PTPRG: variants seen among roughly 807,000 people sequenced by gnomAD.
The protein encoded by PTPRG is protein tyrosine phosphatase receptor type G, also known as receptor-type tyrosine-protein phosphatase gamma.
In PTPRG, 102 loss-of-function variants were observed where a neutral mutation model predicts 165.3. That is an observed-to-expected ratio of 0.62 (90% CI 0.53 to 0.73). The LOEUF is 0.73. Ranked by LOEUF, PTPRG falls within the 30% of genes least tolerant of loss-of-function variation. The probability of loss-of-function intolerance (pLI) is 0.00; values close to 1 mark genes in which losing one functional copy is unlikely to be tolerated. For synonymous variants in PTPRG, 675 were observed against 669.5 expected (o/e 1.01, Z -0.13); for missense variants, 1,866 against 1,861.4 (o/e 1.00, Z -0.05).
At chr3:61,952,542 G>C (rs1423679096) in intron 2 of PTPRG, among the ~76,000 whole-genome samples, 1 of 152,140 alleles carries the variant, frequency 6.6e-6, no homozygotes, top group Non-Finnish European at 1.5e-5. Flanking sequence ...TGCTCAAATT[G>C]ATATTTCTGG....
At chr3:61,929,890 A>T (rs779303426) in intron 2 of PTPRG, among the ~76,000 whole-genome samples, 46 of 152,214 alleles carry the variant, frequency 3.0e-4, no homozygotes, top group Non-Finnish European at 5.9e-4. Flanking sequence ...ATGCACAGAG[A>T]GTCGTGGATA....
intron 1 of PTPRG, among the ~76,000 whole-genome samples, chr3:61,670,152 C>G (rs1226990842): frequency 6.6e-6 from 1 of 152,198 alleles, no homozygotes; most frequent in Non-Finnish European, 1.5e-5. Context: ...CAGATAAATG[C>G]TGAGTGTTAG....
At chr3:61,857,252 C>G (rs1575727110) in intron 2 of PTPRG, among the ~76,000 whole-genome samples, 1 of 152,120 alleles carries the variant, frequency 6.6e-6, no homozygotes, top group East Asian at 1.9e-4. Flanking sequence ...GTTTCAATGA[C>G]TTGCTCAAGT....
At chr3:62,028,776 A>T (rs1327752911) in intron 4 of PTPRG, among the ~76,000 whole-genome samples, 1 of 152,204 alleles carries the variant, frequency 6.6e-6, no homozygotes, top group Admixed American at 6.5e-5. Flanking sequence ...TAGAAAGGAG[A>T]CAGAAGTCTT....
intron 1 of PTPRG, among the ~76,000 whole-genome samples, chr3:61,708,110 G>A (rs927172977): frequency 6.6e-6 from 1 of 151,698 alleles, no homozygotes; most frequent in Non-Finnish European, 1.5e-5. Flanking sequence ...ATTTTTTAGG[G>A]ATATTTGCCT....
At chr3:62,118,256 T>A (rs1426294517) in intron 5 of PTPRG, 1 of 152,254 alleles carries the variant, frequency 6.6e-6, no homozygotes, top group Non-Finnish European at 1.5e-5. Flanking sequence ...TGCTTGATTG[T>A]GGTTTTGTAG....
intron 2 of PTPRG, among the ~76,000 whole-genome samples, chr3:61,830,236 T>A (rs2036235946): frequency 6.6e-6 from 1 of 152,214 alleles, no homozygotes; most frequent in African/African-American, 2.4e-5. Context: ...AGAATTGCCG[T>A]ATTTTTGGAA....
chr3:62,013,648 A>G (rs957341842), intron 4 of PTPRG, among the ~76,000 whole-genome samples: 1 of 152,232 alleles, frequency 6.6e-6, no homozygotes, highest in African/African-American at 2.4e-5. Context: ...TCATTTTACT[A>G]TCTAGATTAT....
chr3:62,181,120 C>A (rs1356278315), intron 8 of PTPRG, among the ~76,000 whole-genome samples: 2 of 152,166 alleles, frequency 1.3e-5, no homozygotes, highest in African/African-American at 4.8e-5. Context: ...GAAAAGTCCG[C>A]AGGTAACAGG....
intron 1 of PTPRG, among the ~76,000 whole-genome samples, chr3:61,689,013 G>C (rs1009628289): frequency 1.3e-5 from 2 of 152,208 alleles, no homozygotes; most frequent in African/African-American, 4.8e-5. Flanking sequence ...ACTTGGTTAA[G>C]CAGCCAGTGC....
chr3:61,991,249 G>A (rs929272214), intron 3 of PTPRG, among the ~76,000 whole-genome samples: 9 of 152,066 alleles, frequency 5.9e-5, no homozygotes, highest in Non-Finnish European at 8.8e-5. Flanking sequence ...TCTGTTGCCC[G>A]GGCTGGAGTG....
chr3:61,834,700 C>A (rs1166973943), intron 2 of PTPRG, among the ~76,000 whole-genome samples: 1 of 152,154 alleles, frequency 6.6e-6, no homozygotes, highest in Non-Finnish European at 1.5e-5. Flanking sequence ...GTAGTCCCAA[C>A]TACTCAGGAA....
chr3:62,241,818 G>A (rs771702542), intron 14 of PTPRG, among the ~76,000 whole-genome samples: 6 of 152,106 alleles, frequency 3.9e-5, no homozygotes, highest in Admixed American at 3.9e-4. Flanking sequence ...TCAAGTTAAA[G>A]GCTAACCCAG....
chr3:61,677,722 A>G (rs755648366), intron 1 of PTPRG, among the ~76,000 whole-genome samples: 7 of 152,174 alleles, frequency 4.6e-5, no homozygotes, highest in Non-Finnish European at 1.0e-4. Flanking sequence ...CCAAGCTTCA[A>G]ATGCACAGGG....
rs190241472 is a variant in PTPRG at position 61,773,986 on chromosome 3, G to T, written c.190+25004G>T. On this transcript the variant is annotated intron_variant, in intron 2 of 29. Coordinates refer to ENST00000474889, the MANE Select transcript of PTPRG (RefSeq NM_002841.4). The stretch of plus-strand genomic sequence containing the variant: ...GATGGGGTTTCACCACATTGGCCAG[G>T]TTGGTCTGAAACTCCTGACCTTGGG... Among the ~76,000 whole-genome samples, 369 of 152,096 alleles carry T rather than the reference G, an allele frequency of 2.4e-3. 2 individuals carry two copies. Among genetic ancestry groups the T allele is most frequent in the African/African-American group, 7.9e-3 (327 of 41,478 alleles).
intron 1 of PTPRG, among the ~76,000 whole-genome samples, chr3:61,720,521 A>C (rs759871344): frequency 6.6e-6 from 1 of 152,164 alleles, no homozygotes; most frequent in Non-Finnish European, 1.5e-5. Flanking sequence ...ATATCTGAAC[A>C]CAGCCATGTA....
rs140752810 is a variant in PTPRG, at chr3:61,598,308, AAAGGAG to A, written c.85+35937_85+35942del. ...GGTGTTTTTATTCACCACGGGAAGA[AAAGGAG>A]TGGGCCAAGAAAGTAGAAAAATTGA... On this transcript the variant is annotated intron_variant, in intron 1 of 29. Transcript: ENST00000474889. Among the ~76,000 whole-genome samples the A allele has an allele frequency of 6.7e-3, 1,021 of 152,300 alleles. 9 individuals carry two copies. Among genetic ancestry groups the A allele is most frequent in the African/African-American group, 0.023 (959 of 41,558 alleles).
chr3:62,259,248 A>G (rs1353967809), intron 16 of PTPRG, among the ~76,000 whole-genome samples: 1 of 152,202 alleles, frequency 6.6e-6, no homozygotes, highest in Non-Finnish European at 1.5e-5. Context: ...CTCTGGTCAG[A>G]GGTGTAATGC....
At chr3:61,855,591 T>C (rs1250982456) in intron 2 of PTPRG, among the ~76,000 whole-genome samples, 1 of 151,616 alleles carries the variant, frequency 6.6e-6, no homozygotes, top group Non-Finnish European at 1.5e-5. Context: ...CATGTTAAAG[T>C]AGACTTTATA....
Sources: allele counts gnomAD v4.1 joint callset (sites outside exome capture counted in the v4.1 genomes callset), GRCh38; gene constraint gnomAD v4.1.1; transcripts MANE v1.5; gene names NCBI Gene and HGNC (gene_info 2026-07-23, HGNC 2026-07-21).